MKKS: variants seen among roughly 807,000 people sequenced by gnomAD.
MKKS encodes MKKS centrosomal shuttling protein, also known as molecular chaperone MKKS.
MKKS carries 29 observed loss-of-function variants against 33.2 expected under a neutral mutation model. That is an observed-to-expected ratio of 0.87 (90% CI 0.65 to 1.19). The LOEUF (loss-of-function observed/expected upper bound fraction) is 1.19, where lower values mean the gene tolerates loss of function less well. Among genes scored for constraint, MKKS ranks in the 50% most tolerant of loss-of-function variants. The pLI, the probability that MKKS is intolerant of heterozygous loss-of-function variation, is 0.00. For synonymous variants in MKKS, 260 were observed against 244.0 expected, an observed-to-expected ratio of 1.07 and a Z score of -0.61; for missense variants, 661 against 662.3, an observed-to-expected ratio of 1.00 and a Z score of 0.02.
Position 10,412,497 on chromosome 20 carries a change from C to G in MKKS, c.985+33G>C, listed in dbSNP as rs221667. ...TGCTCAAAAAAGTGTGATTTATTAA[C>G]TGTAAGAGGCAAAAGCAAAGAGTGA... is the stretch of plus-strand genomic sequence containing the variant. On this transcript the variant is annotated intron_variant, in intron 3 of 5. Transcript: ENST00000347364. 0.23 allele frequency: 369,126 copies of G among 1,604,844 alleles called. 44,168 individuals are homozygous for G. The highest frequency in any genetic ancestry group is 0.36 in the Admixed American group (21,526 of 60,002).
chr20:10,429,659 C>T (rs944755560), intron 1 of MKKS, among the ~76,000 whole-genome samples: 1 of 152,198 alleles, frequency 6.6e-6, no homozygotes, highest in African/African-American at 2.4e-5. Context: ...CTGCCCTTTT[C>T]CTCATGCTCC....
chr20:10,418,932 G>A (rs533189432), intron 2 of MKKS, among the ~76,000 whole-genome samples: 7 of 152,126 alleles, frequency 4.6e-5, no homozygotes, highest in Admixed American at 3.3e-4. Flanking sequence ...TATATAGAAT[G>A]TCCTAAAGTT....
In MKKS at chr20:10,410,827, C is replaced by A. The variant is rs374995976; in HGVS notation, c.985+1703G>T. The stretch of plus-strand genomic sequence containing the variant: ...TCATCTACCTAAAAGTTTACCTGCG[C>A]TATGTGCCTGGTAGTTTTCCCCCTT... On this transcript the variant is annotated intron_variant, in intron 3 of 5. Coordinates refer to ENST00000347364, the MANE Select transcript of MKKS (RefSeq NM_170784.3). Among the ~76,000 whole-genome samples, 275 of 152,214 alleles carry A rather than the reference C, an allele frequency of 1.8e-3. 7 individuals carry two copies. In the South Asian group the frequency reaches 0.046, roughly 25 times the overall value.
intron 1 of MKKS, among the ~76,000 whole-genome samples, chr20:10,432,581 T>A (rs2065060933): frequency 2.6e-5 from 4 of 151,952 alleles, no homozygotes; most frequent in African/African-American, 9.7e-5. Context: ...TCACCTGAGG[T>A]CAGGAGTTCA....
At chr20:10,420,063 C>G (rs991221708) in intron 2 of MKKS, among the ~76,000 whole-genome samples, 5 of 151,754 alleles carry the variant, frequency 3.3e-5, no homozygotes, top group African/African-American at 1.2e-4. Flanking sequence ...GACTATAGAC[C>G]TAAATTATAT....
chr20:10,427,992 T>C (rs1326716695), intron 1 of MKKS, among the ~76,000 whole-genome samples: 1 of 152,384 alleles, frequency 6.6e-6, no homozygotes, highest in Non-Finnish European at 1.5e-5. Context: ...AAGTATCTTA[T>C]GTCTTTTGCT....
chr20:10,412,054 CAT>C (rs2064892217), intron 3 of MKKS, among the ~76,000 whole-genome samples: 1 of 152,126 alleles, frequency 6.6e-6, no homozygotes, highest in Admixed American at 6.6e-5. Context: ...ATAGGTAAAA[CAT>C]AGGTGCATGT....
rs2122219712 is a variant in MKKS, at chr20:10,405,470, C to T, written c.1490G>A (p.Cys497Tyr). Residue 497 changes from cysteine (C) to tyrosine (Y), a missense_variant, in exon 6 of 6, where the codon TGT (cysteine) becomes TAT (tyrosine). Physicochemically the swap from Cys to Tyr is radical, Grantham distance 194 (BLOSUM62 -2). Transcript: ENST00000347364. ...VANWPDLLSQ[C>Y]GCGLYNSQEE... The stretch of plus-strand genomic sequence containing the variant: ...CTGGCTATTGTATAATCCACAGCCA[C>T]ACTGTGAAAGCAAATCTGGCCAGTT... 6.2e-7 allele frequency: 1 copy of T among 1,614,184 alleles called. No individual in the cohort carries two copies. The highest frequency in any genetic ancestry group is 1.3e-5 in the African/African-American group (1 of 75,052).
intron 2 of MKKS, among the ~76,000 whole-genome samples, chr20:10,415,836 C>T (rs192192051): frequency 1.2e-3 from 181 of 152,320 alleles, no homozygotes; most frequent in Admixed American, 2.9e-3. Flanking sequence ...GAGACCAGTA[C>T]ACATATCTTT....
chr20:10,414,909 C>T (rs73260052), intron 2 of MKKS, among the ~76,000 whole-genome samples: 1,668 of 152,230 alleles, frequency 0.011, 29 homozygotes, highest in African/African-American at 0.038. Context: ...TCCTAGTCAA[C>T]GAATCCTCCC....
Position 10,401,156 on chromosome 20 carries a change from A to G in MKKS, c.*4091T>C, listed in dbSNP as rs112249201. On this transcript the variant is annotated 3_prime_UTR_variant, in exon 6 of 6. Coordinates refer to ENST00000347364, the MANE Select transcript of MKKS (RefSeq NM_170784.3). ...CTATGGATTTTAGTGCGCCAAGACT[A>G]ATCGTCTCTCCAACAAACAGCTTCA... The G allele has an allele frequency of 1.3e-5, 2 of 152,332 alleles. No individual in the cohort carries two copies. Among genetic ancestry groups the G allele is most frequent in the African/African-American group, 2.4e-5 (1 of 41,586 alleles). The allele number at this position is 152,332 out of a possible 1,614,324, so 9.4% of individuals were successfully genotyped here.
At chr20:10,431,885 G>A (rs1175483198) in intron 1 of MKKS, 2 of 152,136 alleles carry the variant, frequency 1.3e-5, no homozygotes, top group East Asian at 1.9e-4. Context: ...CCTACTCAGA[G>A]AGCCTTTCTC....
chr20:10,406,084 T>C (rs1056616478), intron 5 of MKKS, among the ~76,000 whole-genome samples: 2 of 152,194 alleles, frequency 1.3e-5, no homozygotes, highest in African/African-American at 4.8e-5. Context: ...AATGGAGTAC[T>C]TATTTATCTC....
chr20:10,423,419 C>CA (rs778134493), intron 1 of MKKS, among the ~76,000 whole-genome samples: 3 of 151,100 alleles, frequency 2.0e-5, no homozygotes, highest in East Asian at 1.9e-4. Context: ...GCGATCGTTT[C>CA]AAAAAAACAA....
chr20:10,411,181 T>G (rs1048239681), intron 3 of MKKS, among the ~76,000 whole-genome samples: 4 of 151,578 alleles, frequency 2.6e-5, no homozygotes, highest in African/African-American at 9.7e-5. Context: ...AGAGATGGGG[T>G]TTCACCATGT....
chr20:10,411,115 T>TA (rs2064882705), intron 3 of MKKS, among the ~76,000 whole-genome samples: 1 of 151,798 alleles, frequency 6.6e-6, no homozygotes, highest in Non-Finnish European at 1.5e-5. Context: ...GCCTCCCAAG[T>TA]AGCTGGGATT....
At chr20:10,410,000 A>AAAAGCT (rs2064870836) in intron 3 of MKKS, among the ~76,000 whole-genome samples, 1 of 150,750 alleles carries the variant, frequency 6.6e-6, no homozygotes, top group South Asian at 2.1e-4. Flanking sequence ...AAAAAAAAAA[A>AAAAGCT]AAAAAGCTAA....
chr20:10,428,937 T>G (rs1300947471), intron 1 of MKKS, among the ~76,000 whole-genome samples: 9 of 152,180 alleles, frequency 5.9e-5, no homozygotes, highest in Non-Finnish European at 1.3e-4. Context: ...TACTGTGTCT[T>G]TGGGGTTCTA....
intron 1 of MKKS, among the ~76,000 whole-genome samples, chr20:10,429,664 T>C (rs748797329): frequency 6.6e-6 from 1 of 152,220 alleles, no homozygotes; most frequent in African/African-American, 2.4e-5. Context: ...CTTTTCCTCA[T>C]GCTCCTCATC....
Sources: allele counts gnomAD v4.1 joint callset (sites outside exome capture counted in the v4.1 genomes callset), GRCh38; gene constraint gnomAD v4.1.1; transcripts MANE v1.5; gene names NCBI Gene and HGNC (gene_info 2026-07-23, HGNC 2026-07-21).